LIN7A: variants seen among roughly 807,000 people sequenced by gnomAD.
LIN7A encodes the protein protein lin-7 homolog A.
Under a neutral mutation model 29.8 loss-of-function variants are expected in LIN7A, and 25 were observed. The ratio of observed to expected loss-of-function variants is 0.84; its 90% CI spans 0.61 to 1.17. LIN7A has a LOEUF of 1.17. Among genes scored for constraint, LIN7A ranks in the 50% most tolerant of loss-of-function variants. The pLI, the probability that LIN7A is intolerant of heterozygous loss-of-function variation, is 0.00. For synonymous variants in LIN7A, 118 were observed against 107.5 expected, an observed-to-expected ratio of 1.10 and a Z score of -0.60; for missense variants, 239 against 287.0, an observed-to-expected ratio of 0.83 and a Z score of 1.21.
chr12:80,925,024 T>G (rs1402113262), intron 1 of LIN7A, among the ~76,000 whole-genome samples: 1 of 152,222 alleles, frequency 6.6e-6, no homozygotes. Flanking sequence ...AATGTCAGTT[T>G]ATATCCTTCG....
At chr12:80,803,482 C>CTATGTGTCTGTCTT (rs1393573289) in intron 5 of LIN7A, among the ~76,000 whole-genome samples, 3 of 152,144 alleles carry the variant, frequency 2.0e-5, no homozygotes, top group African/African-American at 7.2e-5. Context: ...TTCCATTGGT[C>CTATGTGTCTGTCTT]TATGTGTCTG....
chr12:80,906,838 C>A lies in LIN7A; in HGVS notation c.83-17469G>T, dbSNP rs376352945. Among the ~76,000 whole-genome samples, 12 of 151,914 alleles carry A rather than the reference C, an allele frequency of 7.9e-5. No individual in the cohort carries two copies. The East Asian group carries it at 9.7e-4, about 12-fold the overall frequency. On this transcript the variant is annotated intron_variant, in intron 1 of 5. Coordinates refer to ENST00000552864, the MANE Select transcript of LIN7A (RefSeq NM_004664.4). ...ACCTAAAATGAAAATCGGAAAAAAA[C>A]AAAGCAAAACAAAAAAGAACGGAGC...
At chr12:80,937,402 A>G in intron 1 of LIN7A, 2 of 384,668 alleles carry the variant, frequency 5.2e-6, no homozygotes, top group Non-Finnish European at 9.2e-6. Context: ...GGGACCCCAG[A>G]GCCAGAAGGA....
chr12:80,815,697 A>G (rs1050328417), intron 4 of LIN7A, among the ~76,000 whole-genome samples: 2 of 152,292 alleles, frequency 1.3e-5, no homozygotes, highest in African/African-American at 4.8e-5. Context: ...CTCTAAAAAG[A>G]CTTCTTATTT....
chr12:80,909,563 A>T (rs1876649504), intron 1 of LIN7A, among the ~76,000 whole-genome samples: 1 of 152,036 alleles, frequency 6.6e-6, no homozygotes, highest in Non-Finnish European at 1.5e-5. Context: ...TTTCTCACAG[A>T]TGGCATCTTT....
chr12:80,816,271 G>T (rs1441064497), intron 4 of LIN7A, among the ~76,000 whole-genome samples: 1 of 151,906 alleles, frequency 6.6e-6, no homozygotes, highest in Non-Finnish European at 1.5e-5. Context: ...AATAGCTGGG[G>T]CGAGTGGCAT....
intron 1 of LIN7A, among the ~76,000 whole-genome samples, chr12:80,901,520 C>A (rs181361821): frequency 3.0e-4 from 40 of 133,950 alleles, no homozygotes; most frequent in Non-Finnish European, 6.1e-4. Flanking sequence ...TCCATCTGTG[C>A]GCATTGTAAA....
intron 4 of LIN7A, among the ~76,000 whole-genome samples, chr12:80,839,396 C>T (rs570294431): frequency 1.9e-3 from 291 of 152,206 alleles, no homozygotes; most frequent in Non-Finnish European, 3.4e-3. Flanking sequence ...AGGATCATTA[C>T]GGGTAAATAA....
intron 4 of LIN7A, among the ~76,000 whole-genome samples, chr12:80,843,261 A>T (rs1872906106): frequency 6.6e-6 from 1 of 152,148 alleles, no homozygotes; most frequent in South Asian, 2.1e-4. Context: ...ATACCATAGG[A>T]TTAATGACCA....
At chr12:80,822,107 T>C (rs1006315044) in intron 4 of LIN7A, among the ~76,000 whole-genome samples, 7 of 152,106 alleles carry the variant, frequency 4.6e-5, no homozygotes, top group African/African-American at 1.4e-4. Context: ...TTTAATTGAC[T>C]CACAGTTCCA....
chr12:80,907,537 CATCTTT>C (rs1175108842), intron 1 of LIN7A, among the ~76,000 whole-genome samples: 1 of 152,114 alleles, frequency 6.6e-6, no homozygotes, highest in African/African-American at 2.4e-5. Context: ...TCAGCTTCAG[CATCTTT>C]ATCTATAAAA....
At chr12:80,861,567 T>C (rs936137553) in intron 2 of LIN7A, 2 of 152,310 alleles carry the variant, frequency 1.3e-5, no homozygotes, top group African/African-American at 2.4e-5. Context: ...GTTGTGCAGA[T>C]ACTCTGCAGT....
chr12:80,893,499 A>G (rs1875732933), intron 1 of LIN7A, among the ~76,000 whole-genome samples: 1 of 152,216 alleles, frequency 6.6e-6, no homozygotes, highest in Admixed American at 6.5e-5. Context: ...CTCCATTAAG[A>G]CTTATAAAAG....
intron 4 of LIN7A, among the ~76,000 whole-genome samples, chr12:80,814,645 G>C (rs1363819064): frequency 6.6e-6 from 1 of 152,084 alleles, no homozygotes; most frequent in Non-Finnish European, 1.5e-5. Context: ...GAAGAGTTGA[G>C]AGAAAAACGG....
intron 1 of LIN7A, among the ~76,000 whole-genome samples, chr12:80,921,624 C>T (rs1877314044): frequency 6.6e-6 from 1 of 151,704 alleles, no homozygotes; most frequent in Admixed American, 6.6e-5. Context: ...CAGGGAGGCC[C>T]CACCCTTCTG....
chr12:80,855,661 A>G (rs1873558506), intron 2 of LIN7A, among the ~76,000 whole-genome samples: 1 of 152,126 alleles, frequency 6.6e-6, no homozygotes, highest in African/African-American at 2.4e-5. Flanking sequence ...TCTAAAATGA[A>G]TTTGGGGATC....
intron 4 of LIN7A, among the ~76,000 whole-genome samples, chr12:80,823,745 T>C (rs377089738): frequency 1.3e-5 from 2 of 152,214 alleles, no homozygotes; most frequent in South Asian, 2.1e-4. Flanking sequence ...CTGTGACACA[T>C]GGAAATTAAA....
rs1207410891 is a variant in LIN7A at position 80,795,196 on chromosome 12, T to C, written c.*2531A>G. 6.6e-6 allele frequency: 1 copy of C among 152,166 alleles called. No homozygotes were observed. The highest frequency in any genetic ancestry group is 1.5e-5 in the Non-Finnish European group (1 of 68,012). The allele number at this position is 152,166 out of a possible 1,614,324, so 9.4% of individuals were successfully genotyped here. On this transcript the variant is annotated 3_prime_UTR_variant, in exon 6 of 6. Transcript: ENST00000552864. ...AATACAAGTTGTGGTAATTTCCTTCTTCTGGCTTCAGTGAAACTTAAGAGA... is the reference window on the plus strand; with the variant it reads ...AATACAAGTTGTGGTAATTTCCTTCCTCTGGCTTCAGTGAAACTTAAGAGA...
intron 1 of LIN7A, among the ~76,000 whole-genome samples, chr12:80,899,195 G>A (rs1418007442): frequency 6.6e-6 from 1 of 152,102 alleles, no homozygotes; most frequent in Non-Finnish European, 1.5e-5. Context: ...ATGATGTGAT[G>A]TTTAATTTTA....
Sources: gnomAD v4.1 joint callset for allele counts (sites outside exome capture counted in the v4.1 genomes callset) on GRCh38, gnomAD v4.1.1 for gene constraint, MANE v1.5 for transcripts, NCBI Gene and HGNC (gene_info 2026-07-23, HGNC 2026-07-21) for gene names.